SNX14: variants seen among roughly 807,000 people sequenced by gnomAD.
The protein encoded by SNX14 is sorting nexin-14.
In SNX14, 93 loss-of-function variants were observed where a neutral mutation model predicts 133.8. The observed-to-expected ratio is 0.70, with a 90% CI of 0.59 to 0.83. The LOEUF is 0.83. Among genes scored for constraint, SNX14 ranks in the 40% least tolerant of loss-of-function variants. The pLI is 0.00. For synonymous variants in SNX14, 368 were observed against 365.6 expected (o/e 1.01, Z -0.07); for missense variants, 945 against 1,094.9 (o/e 0.86, Z 1.93).
At position 85,550,565 on chromosome 6, in the gene SNX14, C is replaced by G. The variant is rs1315390998; in HGVS notation, c.635-686G>C. 3.9e-5 allele frequency among the ~76,000 whole-genome samples: 6 copies of G among 152,128 alleles called. No individual in the cohort carries two copies. In the East Asian group the frequency reaches 1.2e-3, roughly 30 times the overall value. ...GGCTGGAGATATGCACTGGTGTGATCTCAGCTCACTGTAGCCTCGACCTCC... is the reference window on the plus strand; with the variant it reads ...GGCTGGAGATATGCACTGGTGTGATGTCAGCTCACTGTAGCCTCGACCTCC... On this transcript the variant is annotated intron_variant, in intron 7 of 28. Transcript: ENST00000314673.
intron 6 of SNX14, 94 bp downstream of exon 6, chr6:85,565,238 T>C (rs1793393545): frequency 1.5e-6 from 1 of 688,758 alleles, no homozygotes; most frequent in Non-Finnish European, 2.5e-6. Context: ...CACAAATATG[T>C]ACATTTGCCA....
chr6:85,539,861 G>A (rs1311152850), intron 15 of SNX14, among the ~76,000 whole-genome samples: 1 of 151,872 alleles, frequency 6.6e-6, no homozygotes, highest in African/African-American at 2.4e-5. Flanking sequence ...ATAATCAAGT[G>A]TTCTAAAAGT....
chr6:85,589,089 T>TC, intron 1 of SNX14: 2 of 294,856 alleles, frequency 6.8e-6, no homozygotes, highest in Non-Finnish European at 1.4e-5. Context: ...ATAGTACTGA[T>TC]CTTTCTTCTA....
chr6:85,533,847 G>C, intron 17 of SNX14, 47 bp from the exon 18 acceptor site: 1 of 1,451,614 alleles, frequency 6.9e-7, no homozygotes, highest in South Asian at 1.2e-5. Context: ...AATACCTTTA[G>C]AACTACAGCA....
At chr6:85,535,745 C>G (rs1258199232) in intron 17 of SNX14, among the ~76,000 whole-genome samples, 1 of 151,880 alleles carries the variant, frequency 6.6e-6, no homozygotes, top group Non-Finnish European at 1.5e-5. Flanking sequence ...GAATCAGTGA[C>G]CCTTACATGA....
intron 26 of SNX14, among the ~76,000 whole-genome samples, chr6:85,513,059 C>G (rs369591336): frequency 1.3e-5 from 2 of 152,298 alleles, no homozygotes; most frequent in East Asian, 3.9e-4. Flanking sequence ...CCTATACCAC[C>G]TTTTCTCCAA....
At chr6:85,530,409 C>T (rs1382371907) in intron 18 of SNX14, 134 bp from the exon 19 acceptor site, 2 of 496,586 alleles carry the variant, frequency 4.0e-6, no homozygotes, top group East Asian at 7.2e-5. Flanking sequence ...CTTTGGGAGG[C>T]CAAGGTGGGT....
intron 4 of SNX14, among the ~76,000 whole-genome samples, chr6:85,569,176 G>A (rs1386417449): frequency 1.3e-5 from 2 of 152,094 alleles, no homozygotes; most frequent in Non-Finnish European, 2.9e-5. Context: ...TGGTCAGGCT[G>A]GTCTCGAACT....
intron 20 of SNX14, 74 bp downstream of exon 20, chr6:85,528,188 C>A: frequency 2.0e-6 from 2 of 1,008,986 alleles, no homozygotes; most frequent in Non-Finnish European, 3.0e-6. Flanking sequence ...AGAACATATA[C>A]ACAAGAGAAA....
At chr6:85,507,083 G>T (rs981143238) in intron 28 of SNX14, 150 bp downstream of exon 28, 1 of 681,862 alleles carries the variant, frequency 1.5e-6, no homozygotes, top group Non-Finnish European at 2.5e-6. Flanking sequence ...GTTTAATAAA[G>T]AAAATACAAA....
At chr6:85,552,567 A>C (rs1178900073) in intron 7 of SNX14, among the ~76,000 whole-genome samples, 2 of 152,224 alleles carry the variant, frequency 1.3e-5, no homozygotes, top group African/African-American at 4.8e-5. Context: ...AAGTGAGTGA[A>C]TAACCTGCTA....
intron 8 of SNX14, 21 bp downstream of exon 8, chr6:85,549,702 T>C (rs1403508412): frequency 6.2e-7 from 1 of 1,600,068 alleles, no homozygotes; most frequent in East Asian, 2.2e-5. Flanking sequence ...AATACTATTA[T>C]ATTGTCTAGT....
At chr6:85,517,475 G>C (rs1322826014) in intron 23 of SNX14, 1 of 227,116 alleles carries the variant, frequency 4.4e-6, no homozygotes, top group African/African-American at 2.3e-5. Context: ...ATTGAAAGTT[G>C]GTGACATATA....
intron 6 of SNX14, chr6:85,561,307 C>T (rs1270673064): frequency 1.3e-5 from 2 of 151,374 alleles, no homozygotes; most frequent in African/African-American, 4.9e-5. Context: ...GAGATCACAC[C>T]ACTGCACTCC....
At chr6:85,507,349 A>G in intron 27 of SNX14, 60 bp from the exon 28 acceptor site, 2 of 1,349,528 alleles carry the variant, frequency 1.5e-6, no homozygotes, top group Non-Finnish European at 2.1e-6. Context: ...AAACCATAAA[A>G]ATGATACACA....
Position 85,514,054 on chromosome 6 carries a change from A to T in SNX14, c.2557+16T>A, listed in dbSNP as rs371536900. 209 of 1,594,588 alleles carry T rather than the reference A, an allele frequency of 1.3e-4. No homozygotes were observed. Among genetic ancestry groups the T allele is most frequent in the Non-Finnish European group, 1.7e-4 (204 of 1,173,680 alleles). On this transcript the variant is annotated intron_variant, in intron 25 of 28. Coordinates refer to ENST00000314673, the MANE Select transcript of SNX14 (RefSeq NM_153816.6). ...AGTACACAAAATATGAAACAAACAC[A>T]TTAGAAAATACAAACCTCTGAGAAG...
intron 28 of SNX14, 151 bp from the exon 29 acceptor site, chr6:85,506,156 T>C: frequency 3.2e-6 from 2 of 617,964 alleles, no homozygotes; most frequent in Non-Finnish European, 5.7e-6. Flanking sequence ...GAAATATCTA[T>C]GTTCTAGATA....
intron 21 of SNX14, among the ~76,000 whole-genome samples, chr6:85,523,039 A>G (rs961940165): frequency 3.3e-5 from 5 of 152,222 alleles, no homozygotes; most frequent in Non-Finnish European, 5.9e-5. Context: ...AATGGGTAAT[A>G]TGGAAGGGCA....
At chr6:85,563,870 C>T (rs897013059) in intron 6 of SNX14, among the ~76,000 whole-genome samples, 9 of 151,978 alleles carry the variant, frequency 5.9e-5, no homozygotes, top group African/African-American at 1.2e-4. Context: ...GTGCTGCACC[C>T]GTTAACTAGT....
Sources: allele counts gnomAD v4.1 joint callset (sites outside exome capture counted in the v4.1 genomes callset), GRCh38; gene constraint gnomAD v4.1.1; transcripts MANE v1.5; gene names NCBI Gene and HGNC (gene_info 2026-07-23, HGNC 2026-07-21).